The following PCDHA2 variants were observed in gnomAD, a reference collection of about 807,000 sequenced individuals.
PCDHA2 encodes protocadherin alpha 2.
A neutral mutation model predicts 66.0 loss-of-function variants in PCDHA2; 58 were observed. The ratio of observed to expected loss-of-function variants is 0.88; its 90% CI spans 0.71 to 1.09. The LOEUF (loss-of-function observed/expected upper bound fraction) is 1.09, where lower values mean the gene tolerates loss of function less well. Ranked by LOEUF, PCDHA2 falls within the 50% of genes least tolerant of loss-of-function variation. PCDHA2 has a pLI of 0.00. For missense variants in PCDHA2, 1,267 were observed against 1,242.3 expected (o/e 1.02, Z -0.30); for synonymous variants, 634 against 554.0 (o/e 1.14, Z -2.03).
Position 140,795,759 on chromosome 5 carries a change from C to T in PCDHA2, c.795C>T (p.Asn265=), listed in dbSNP as rs150248027. The T allele has an allele frequency of 7.1e-5, 115 of 1,613,954 alleles. No individual in the cohort carries two copies. The African/African-American group carries it at 1.4e-3, about 19-fold the overall frequency. Residue 265 remains asparagine, a synonymous_variant, in exon 1 of 4, where the codon AAC becomes AAT. Coordinates refer to ENST00000526136, the MANE Select transcript of PCDHA2 (RefSeq NM_018905.3). ...ATGGGACCTTAGTGGTTAAGTTAAA[C>T]GCTTCTGATGCAGATGAAGGACCGA... ...TANGTLVVKL[N]ASDADEGPNS...
chr5:140,978,295 A>G (rs1222694864), intron 1 of PCDHA2, among the ~76,000 whole-genome samples: 2 of 152,246 alleles, frequency 1.3e-5, no homozygotes, highest in Non-Finnish European at 2.9e-5. Context: ...GAGGAGGGAA[A>G]GCACTCAGGA....
intron 1 of PCDHA2, among the ~76,000 whole-genome samples, chr5:140,958,355 C>A (rs2095420165): frequency 6.6e-6 from 1 of 152,064 alleles, no homozygotes; most frequent in Admixed American, 6.6e-5. Context: ...CACAGTCTGA[C>A]TTTATCAGGA....
chr5:140,956,130 AC>A (rs1328169081), intron 1 of PCDHA2, among the ~76,000 whole-genome samples: 3 of 152,088 alleles, frequency 2.0e-5, no homozygotes. Context: ...CTATTTGAAT[AC>A]CCTTTATTTC....
chr5:140,957,883 A>C (rs1413437105), intron 1 of PCDHA2, among the ~76,000 whole-genome samples: 1 of 152,098 alleles, frequency 6.6e-6, no homozygotes. Flanking sequence ...TGAAAAGCTG[A>C]AGTTGGCATC....
intron 1 of PCDHA2, chr5:140,802,510 C>T: frequency 2.5e-6 from 4 of 1,614,190 alleles, no homozygotes; most frequent in East Asian, 4.5e-5. Flanking sequence ...CTGTGGGCCA[C>T]GGCCAGCGTG....
rs114972611 is a variant in PCDHA2, at chr5:140,834,172, G to T, written c.2388+36820G>T. The T allele has an allele frequency of 2.1e-3, 1,163 of 551,264 alleles. 13 individuals carry two copies. Among genetic ancestry groups the T allele is most frequent in the African/African-American group, 0.016 (867 of 53,444 alleles). The allele number at this position is 551,264 out of a possible 1,614,324, so 34.1% of individuals were successfully genotyped here. ...AATGGTTTGTAATTCTTACTTACAT[G>T]ATGGCCACATGATGTCGCTCTTTAC... On this transcript the variant is annotated intron_variant, in intron 1 of 3. Transcript: ENST00000526136.
chr5:140,916,561 G>A (rs1038683507), intron 1 of PCDHA2, among the ~76,000 whole-genome samples: 9 of 152,180 alleles, frequency 5.9e-5, no homozygotes, highest in African/African-American at 2.2e-4. Context: ...TTTGTCCAGG[G>A]TGTGTCTAGA....
chr5:140,857,736 C>A (rs1554150585), intron 1 of PCDHA2: 1 of 1,597,364 alleles, frequency 6.3e-7, no homozygotes, highest in Admixed American at 1.7e-5. Flanking sequence ...AACGCTCCCG[C>A]GCTGCTGGCG....
At chr5:140,968,683 A>G (rs782664501) in intron 1 of PCDHA2, 7 of 1,614,164 alleles carry the variant, frequency 4.3e-6, no homozygotes. Flanking sequence ...AGCTGCACAC[A>G]GGAGAAATTA....
intron 1 of PCDHA2, chr5:140,803,730 G>C: frequency 7.0e-7 from 1 of 1,431,618 alleles, no homozygotes; most frequent in Non-Finnish European, 9.4e-7. Flanking sequence ...GTGGTTTTGT[G>C]GTTAAAACGG....
chr5:140,892,793 A>G (rs1292583572), intron 1 of PCDHA2, among the ~76,000 whole-genome samples: 1 of 152,224 alleles, frequency 6.6e-6, no homozygotes, highest in Non-Finnish European at 1.5e-5. Context: ...TATGTAAGAA[A>G]TTATAGTTAA....
chr5:140,800,618 T>A (rs1185964202), intron 1 of PCDHA2, among the ~76,000 whole-genome samples: 1 of 152,192 alleles, frequency 6.6e-6, no homozygotes, highest in South Asian at 2.1e-4. Context: ...TGAAATCCCA[T>A]CGTACCAAGA....
chr5:140,997,984 A>G (rs1004761154), intron 3 of PCDHA2, among the ~76,000 whole-genome samples: 4 of 152,188 alleles, frequency 2.6e-5, no homozygotes, highest in Admixed American at 2.6e-4. Context: ...TGCACTTGTT[A>G]CATACTTCCC....
At position 140,967,833 on chromosome 5, in the gene PCDHA2, T is replaced by G. The variant is rs1554229998; in HGVS notation, c.2389-11116T>G. The G allele has an allele frequency of 1.2e-6, 2 of 1,614,014 alleles. No homozygotes were observed. The highest frequency in any genetic ancestry group is 4.5e-5 in the East Asian group (2 of 44,876). On this transcript the variant is annotated intron_variant, in intron 1 of 3. Transcript: ENST00000526136. The stretch of plus-strand genomic sequence containing the variant: ...CACTGCAAGGTGCTGGTGGACATCG[T>G]GGACGTGAATGACAATGCCCCAGAG...
intron 1 of PCDHA2, chr5:140,815,662 T>G (rs1765776092): frequency 1.3e-5 from 2 of 152,180 alleles, no homozygotes; most frequent in Admixed American, 1.3e-4. Context: ...ATATTTATCT[T>G]TACTAGTGAG....
chr5:140,851,796 T>C, intron 1 of PCDHA2: 3 of 954,006 alleles, frequency 3.1e-6, no homozygotes, highest in Non-Finnish European at 3.8e-6. Flanking sequence ...TCACTTGTTC[T>C]GTCAGTAATC....
chr5:140,808,677 G>A lies in PCDHA2; in HGVS notation c.2388+11325G>A, dbSNP rs146494318. The A allele has an allele frequency of 8.7e-6, 14 of 1,612,530 alleles. No homozygotes were observed. In the African/African-American group the frequency reaches 1.9e-4, roughly 22 times the overall value. On this transcript the variant is annotated intron_variant, in intron 1 of 3. Transcript: ENST00000526136. Reference sequence around the variant, plus strand: ...CTGGTGTCCTACTCGCTGGTAGAGCGGCGGGTAGGGGAGCGCGCGCTGTCG... The same window carrying A: ...CTGGTGTCCTACTCGCTGGTAGAGCAGCGGGTAGGGGAGCGCGCGCTGTCG...
intron 1 of PCDHA2, among the ~76,000 whole-genome samples, chr5:140,888,838 A>G (rs2061999996): frequency 6.6e-6 from 1 of 152,078 alleles, no homozygotes; most frequent in East Asian, 1.9e-4. Flanking sequence ...ACTCCACTGC[A>G]GCCTGGTGAC....
intron 1 of PCDHA2, chr5:140,877,791 C>T: frequency 6.2e-7 from 1 of 1,614,022 alleles, no homozygotes. Flanking sequence ...TGGCCTTCAG[C>T]CCAAGCCTTC....
Sources: gnomAD v4.1 joint callset for allele counts (sites outside exome capture counted in the v4.1 genomes callset) on GRCh38, gnomAD v4.1.1 for gene constraint, MANE v1.5 for transcripts, NCBI Gene and HGNC (gene_info 2026-07-23, HGNC 2026-07-21) for gene names.